ORC3: variants seen among roughly 807,000 people sequenced by gnomAD.
The protein encoded by ORC3 is homolog of latheo, Drosophila.
In ORC3, 78 loss-of-function variants were observed where a neutral mutation model predicts 100.7. The ratio of observed to expected loss-of-function variants is 0.77; its 90% CI spans 0.65 to 0.94. ORC3 has a LOEUF of 0.94. ORC3 is among the 40% of genes least tolerant of loss of function. ORC3 has a pLI of 0.00. For missense variants in ORC3, 789 were observed against 823.9 expected, an observed-to-expected ratio of 0.96 and a Z score of 0.52; for synonymous variants, 295 against 289.3, an observed-to-expected ratio of 1.02 and a Z score of -0.20.
At chr6:87,617,419 G>A (rs1779236244) in intron 9 of ORC3, among the ~76,000 whole-genome samples, 1 of 152,056 alleles carries the variant, frequency 6.6e-6, no homozygotes, top group Non-Finnish European at 1.5e-5. Flanking sequence ...TTGAATACAT[G>A]CCAGTTGTCT....
intron 16 of ORC3, among the ~76,000 whole-genome samples, chr6:87,658,456 C>CAAA (rs34769498): frequency 7.5e-6 from 1 of 133,296 alleles, no homozygotes. Flanking sequence ...GACTCCGTCT[C>CAAA]AAAAAAAAAA....
the ORC3 span, among the ~76,000 whole-genome samples, chr6:87,674,163 G>A: frequency 6.6e-6 from 1 of 151,804 alleles, no homozygotes; most frequent in East Asian, 1.9e-4. Flanking sequence ...TTAGCCGGGT[G>A]TGGTGGCACA....
chr6:87,638,601 A>T (rs1767996362), intron 13 of ORC3, among the ~76,000 whole-genome samples: 1 of 152,238 alleles, frequency 6.6e-6, no homozygotes, highest in Non-Finnish European at 1.5e-5. Flanking sequence ...TGAAAATCTG[A>T]AATTCAAAGT....
chr6:87,639,725 A>G (rs1410839419), intron 13 of ORC3, among the ~76,000 whole-genome samples: 1 of 151,454 alleles, frequency 6.6e-6, no homozygotes, highest in Non-Finnish European at 1.5e-5. Context: ...TACGCCTGTA[A>G]TCCCAGCACT....
intron 13 of ORC3, among the ~76,000 whole-genome samples, chr6:87,646,033 C>T (rs906488406): frequency 1.4e-5 from 2 of 140,350 alleles, no homozygotes; most frequent in Admixed American, 1.6e-4. Flanking sequence ...GTTGCCCAGG[C>T]TGGAGTGCAG....
At chr6:87,650,262 G>T (rs1769156596) in intron 13 of ORC3, among the ~76,000 whole-genome samples, 1 of 151,816 alleles carries the variant, frequency 6.6e-6, no homozygotes, top group Non-Finnish European at 1.5e-5. Context: ...CACTTTGTTG[G>T]CCAGGCTGGT....
chr6:87,653,139 T>C lies in ORC3; in HGVS notation c.1406T>C (p.Met469Thr), dbSNP rs528704282. 2.7e-5 allele frequency: 43 copies of C among 1,613,416 alleles called. No individual in the cohort carries two copies. The South Asian group carries it at 4.6e-4, about 17-fold the overall frequency. The change falls in exon 14 of 20, where the codon ATG (methionine) becomes ACG (threonine). Residue 469 changes from methionine (M) to threonine (T), a missense_variant. Transcript: ENST00000392844. ...LLRMLAKDEL[M>T]TILEKCFKVF... Reference sequence around the variant, plus strand: ...AGGATGTTGGCAAAGGATGAACTGATGACCATACTTGAGAAATGTTTCAAG... The same window carrying C: ...AGGATGTTGGCAAAGGATGAACTGACGACCATACTTGAGAAATGTTTCAAG...
intron 11 of ORC3, among the ~76,000 whole-genome samples, chr6:87,624,046 C>T (rs1297508662): frequency 6.6e-6 from 1 of 152,112 alleles, no homozygotes; most frequent in Non-Finnish European, 1.5e-5. Flanking sequence ...TTTCAAATTA[C>T]ATACTTTGTC....
intron 16 of ORC3, among the ~76,000 whole-genome samples, chr6:87,660,015 T>G (rs1475645351): frequency 6.6e-6 from 1 of 152,220 alleles, no homozygotes; most frequent in Non-Finnish European, 1.5e-5. Flanking sequence ...CTCTTGACTC[T>G]TCCCTTTTAC....
At chr6:87,609,969 A>G (rs1778624919) in intron 7 of ORC3, among the ~76,000 whole-genome samples, 1 of 152,222 alleles carries the variant, frequency 6.6e-6, no homozygotes, top group Non-Finnish European at 1.5e-5. Flanking sequence ...TTGCATTTAT[A>G]TAATACTTCT....
At chr6:87,635,003 G>A (rs1767706897) in intron 12 of ORC3, 42 bp downstream of exon 12, 1 of 1,016,122 alleles carries the variant, frequency 9.8e-7, no homozygotes, top group Non-Finnish European at 1.6e-6. Flanking sequence ...AAGTAGGAAT[G>A]TTAGTATTTT....
At position 87,610,538 on chromosome 6, in the gene ORC3, T is replaced by TAA. The variant is rs1562330960; in HGVS notation, c.713+1310_713+1311insAA. On this transcript the variant is annotated intron_variant, in intron 7 of 19. Transcript: ENST00000392844. ...ACCCAGCTAATTTACTAATATACTT[T>TAA]ATTTTTTTTTATTTTTTATTTTTTT... is the stretch of plus-strand genomic sequence containing the variant. 1.4e-3 allele frequency among the ~76,000 whole-genome samples: 206 copies of TAA among 149,324 alleles called. 12 individuals carry two copies. Among genetic ancestry groups the TAA allele is most frequent in the Non-Finnish European group, 1.5e-3 (100 of 67,474 alleles).
intron 14 of ORC3, among the ~76,000 whole-genome samples, chr6:87,654,474 AT>A (rs1319826983): frequency 1.3e-5 from 2 of 152,220 alleles, no homozygotes. Flanking sequence ...CATTAAGATC[AT>A]TGAGTTCAGC....
chr6:87,610,717 C>A (rs1223094508), intron 7 of ORC3, among the ~76,000 whole-genome samples: 1 of 145,648 alleles, frequency 6.9e-6, no homozygotes, highest in African/African-American at 2.6e-5. Flanking sequence ...CCGCGCCTGG[C>A]TAATTTTTTG....
At chr6:87,626,153 T>C (rs570696652) in intron 11 of ORC3, among the ~76,000 whole-genome samples, 260 of 152,328 alleles carry the variant, frequency 1.7e-3, no homozygotes, top group African/African-American at 6.0e-3. Flanking sequence ...TGCTTAGGAT[T>C]GTCTTGGCAA....
At chr6:87,645,922 A>C (rs145947823) in intron 13 of ORC3, among the ~76,000 whole-genome samples, 76 of 152,044 alleles carry the variant, frequency 5.0e-4, no homozygotes, top group African/African-American at 1.7e-3. Context: ...TTAATACATT[A>C]GGTATCACAG....
chr6:87,621,836 AGAAAT>A, intron 10 of ORC3, 109 bp from the exon 11 acceptor site: 1 of 710,610 alleles, frequency 1.4e-6, no homozygotes, highest in South Asian at 1.8e-5. Flanking sequence ...ATTTTTGTGA[AGAAAT>A]GAAAAAAATG....
chr6:87,670,814 C>CAAAG (rs1245388300), downstream of ORC3, among the ~76,000 whole-genome samples: 4 of 152,232 alleles, frequency 2.6e-5, no homozygotes, highest in African/African-American at 9.6e-5. Flanking sequence ...GGAAGTAAAA[C>CAAAG]AAAGAAAGCA....
intron 10 of ORC3, 102 bp downstream of exon 10, chr6:87,621,589 A>G (rs763931816): frequency 1.0e-5 from 8 of 773,532 alleles, no homozygotes; most frequent in African/African-American, 1.9e-5. Flanking sequence ...AGAAATAGTA[A>G]CCTATTCTGT....
Sources: gnomAD v4.1 joint callset for allele counts (sites outside exome capture counted in the v4.1 genomes callset) on GRCh38, gnomAD v4.1.1 for gene constraint, MANE v1.5 for transcripts, NCBI Gene and HGNC (gene_info 2026-07-23, HGNC 2026-07-21) for gene names.